MYO5C: variants seen among roughly 807,000 people sequenced by gnomAD.
MYO5C encodes myosin VC, also known as unconventional myosin-Vc.
A neutral mutation model predicts 235.7 loss-of-function variants in MYO5C; 194 were observed. The observed-to-expected ratio is 0.82, with a 90% CI of 0.73 to 0.93. The LOEUF is 0.93. Ranked by LOEUF, MYO5C falls within the 40% of genes least tolerant of loss-of-function variation. MYO5C has a pLI of 0.00. For synonymous variants in MYO5C, 707 were observed against 754.8 expected (o/e 0.94, Z 1.04); for missense variants, 2,038 against 2,127.2 (o/e 0.96, Z 0.82).
At chr15:52,258,574 T>C (rs2036627624) in intron 10 of MYO5C, among the ~76,000 whole-genome samples, 1 of 152,174 alleles carries the variant, frequency 6.6e-6, no homozygotes, top group Non-Finnish European at 1.5e-5. Flanking sequence ...GAGGCTTCCT[T>C]ATTTCCAAGT....
In MYO5C at chr15:52,218,355, C is replaced by T. The variant is rs77274727; in HGVS notation, c.3954+164G>A. Reference sequence around the variant, plus strand: ...GTAAGTCCCCAAGGCCTTCCCAAAGCCAACCTCAGAGACCACCTGTCTTTT... The same window carrying T: ...GTAAGTCCCCAAGGCCTTCCCAAAGTCAACCTCAGAGACCACCTGTCTTTT... On this transcript the variant is annotated intron_variant, in intron 32 of 40. Coordinates refer to ENST00000261839, the MANE Select transcript of MYO5C (RefSeq NM_018728.4). 2.9e-3 allele frequency among the ~76,000 whole-genome samples: 436 copies of T among 152,318 alleles called. 3 individuals are homozygous for T. Among genetic ancestry groups the T allele is most frequent in the African/African-American group, 9.9e-3 (412 of 41,574 alleles).
intron 1 of MYO5C, among the ~76,000 whole-genome samples, chr15:52,289,258 T>G (rs1596238723): frequency 6.6e-6 from 1 of 150,448 alleles, no homozygotes; most frequent in Non-Finnish European, 1.5e-5. Context: ...TTCTGGAGAG[T>G]TCCACCCAAT....
intron 18 of MYO5C, among the ~76,000 whole-genome samples, chr15:52,245,147 T>C (rs747611617): frequency 6.6e-6 from 1 of 151,984 alleles, no homozygotes; most frequent in Non-Finnish European, 1.5e-5. Context: ...GAGGCCGGAG[T>C]TCGGATGTGG....
chr15:52,264,531 A>C (rs1227589218), intron 8 of MYO5C, among the ~76,000 whole-genome samples: 1 of 152,158 alleles, frequency 6.6e-6, no homozygotes. Context: ...TAGGAAGTTC[A>C]ACACAAAAAT....
intron 7 of MYO5C, among the ~76,000 whole-genome samples, chr15:52,271,399 T>C (rs528808723): frequency 7.0e-4 from 107 of 152,224 alleles, no homozygotes; most frequent in African/African-American, 2.5e-3. Flanking sequence ...CGGTTAATTT[T>C]TGTATTTTTA....
chr15:52,282,607 A>C (rs977336513), intron 2 of MYO5C, among the ~76,000 whole-genome samples, 175 bp downstream of exon 2: 86 of 152,306 alleles, frequency 5.6e-4, no homozygotes, highest in African/African-American at 2.0e-3. Flanking sequence ...GGAGGGAAGG[A>C]GTACAGACAC....
At chr15:52,198,645 G>T (rs561937313) in intron 38 of MYO5C, among the ~76,000 whole-genome samples, 1 of 151,878 alleles carries the variant, frequency 6.6e-6, no homozygotes, top group Non-Finnish European at 1.5e-5. Flanking sequence ...GTAGTGGTGC[G>T]ATCTCAGCTC....
At chr15:52,196,622 T>G in intron 38 of MYO5C, 139 bp from the exon 39 acceptor site, 1 of 742,128 alleles carries the variant, frequency 1.3e-6, no homozygotes, top group African/African-American at 1.8e-5. Context: ...AATGAGGGAG[T>G]TGGACTGATG....
At position 52,245,394 on chromosome 15, in the gene MYO5C, T is replaced by C; in HGVS notation, c.2138A>G (p.Lys713Arg). 6.2e-7 allele frequency: 1 copy of C among 1,614,184 alleles called. No homozygotes were observed. The highest frequency in any genetic ancestry group is 8.5e-7 in the Non-Finnish European group (1 of 1,180,016). ...TAAAACCACCTTGCACACCTCCTTT[T>C]TATCGCTGAAGGAAAGCTCTTGCTT... ...MTKQELSFSD[K>R]KEVCKVVLHR... The change falls in exon 18 of 41, where the codon AAA becomes AGA. Residue 713 changes from lysine (K) to arginine (R), a missense_variant. By Grantham distance (26) the Lys-to-Arg change is conservative. Transcript: ENST00000261839.
chr15:52,262,749 A>G (rs2036723126), intron 9 of MYO5C, among the ~76,000 whole-genome samples: 1 of 152,256 alleles, frequency 6.6e-6, no homozygotes, highest in Non-Finnish European at 1.5e-5. Context: ...CGTTGGTAGC[A>G]GACAGCCAAG....
Position 52,263,161 on chromosome 15 carries a change from G to A in MYO5C, c.1047+1029C>T, listed in dbSNP as rs570391986. On this transcript the variant is annotated intron_variant, in intron 9 of 40. Transcript: ENST00000261839. ...TATTGTTTAAGCCACTCAGCCTGTG[G>A]CATTTTGATATGGCAGTCTGAGTTG... Among the ~76,000 whole-genome samples, 6 of 152,310 alleles carry A rather than the reference G, an allele frequency of 3.9e-5. No homozygotes were observed. In the South Asian group the frequency reaches 1.2e-3, roughly 32 times the overall value.
intron 35 of MYO5C, 130 bp downstream of exon 35, chr15:52,211,600 T>A: frequency 1.0e-6 from 1 of 977,188 alleles, no homozygotes; most frequent in East Asian, 2.4e-5. Context: ...CCTTCACTAG[T>A]TGGGCCTCAA....
chr15:52,247,837 CTAAG>C (rs2141329355), intron 14 of MYO5C, among the ~76,000 whole-genome samples: 1 of 152,270 alleles, frequency 6.6e-6, no homozygotes, highest in South Asian at 2.1e-4. Context: ...GGGTATCACT[CTAAG>C]TGTCAGAAAG....
rs768827369 is a variant in MYO5C at position 52,271,797 on chromosome 15, A to G, written c.798T>C (p.Ser266=). The change falls in exon 7 of 41, where the codon TCT becomes TCC. Residue 266 remains serine, a synonymous_variant. Coordinates refer to ENST00000261839, the MANE Select transcript of MYO5C (RefSeq NM_018728.4). ...NYHIFYQLCA[S]AQQSEFKHLK... ...GATGTTTAAATTCCGACTGCTGTGCAGATGCACAAAGCTGATAGAAAATGT... is the reference window on the plus strand; with the variant it reads ...GATGTTTAAATTCCGACTGCTGTGCGGATGCACAAAGCTGATAGAAAATGT... 42 of 1,584,056 alleles carry G rather than the reference A, an allele frequency of 2.7e-5. No homozygotes were observed. In the East Asian group the frequency reaches 9.5e-4, roughly 36 times the overall value.
chr15:52,244,651 C>G lies in MYO5C; in HGVS notation c.2179-84G>C, dbSNP rs1042153215. On this transcript the variant is annotated intron_variant, in intron 18 of 40. Coordinates refer to ENST00000261839, the MANE Select transcript of MYO5C (RefSeq NM_018728.4). Reference sequence around the variant, plus strand: ...TATTTGGAAAAGAGCTTTAGGGATTCAAAGGTGCCAGAAATATTGTGATTT... The same window carrying G: ...TATTTGGAAAAGAGCTTTAGGGATTGAAAGGTGCCAGAAATATTGTGATTT... 14 of 901,142 alleles carry G rather than the reference C, an allele frequency of 1.6e-5. No individual in the cohort carries two copies. The African/African-American group carries it at 2.4e-4, about 15-fold the overall frequency. The allele number at this position is 901,142 out of a possible 1,614,324, so 55.8% of individuals were successfully genotyped here.
At chr15:52,226,583 C>G (rs1357760661) in intron 25 of MYO5C, among the ~76,000 whole-genome samples, 3 of 152,142 alleles carry the variant, frequency 2.0e-5, no homozygotes, top group Admixed American at 6.5e-5. Flanking sequence ...AGCACTTTAC[C>G]TAGAAGACCT....
At chr15:52,274,717 A>G (rs963155533) in intron 5 of MYO5C, among the ~76,000 whole-genome samples, 1 of 143,694 alleles carries the variant, frequency 7.0e-6, no homozygotes, top group Non-Finnish European at 1.5e-5. Context: ...ATATTCTTAC[A>G]TTAGGTTAGA....
chr15:52,223,424 A>C (rs1168685720), intron 29 of MYO5C, 120 bp downstream of exon 29: 1 of 946,460 alleles, frequency 1.1e-6, no homozygotes, highest in Non-Finnish European at 1.6e-6. Context: ...AAGTTATTTC[A>C]CTTCTGGAAA....
intron 18 of MYO5C, 61 bp downstream of exon 18, chr15:52,245,293 C>T: frequency 9.2e-7 from 1 of 1,088,624 alleles, no homozygotes; most frequent in Admixed American, 1.7e-5. Flanking sequence ...GATGAAACAG[C>T]ATGTTTGGGA....
Sources: allele counts gnomAD v4.1 joint callset (sites outside exome capture counted in the v4.1 genomes callset), GRCh38; gene constraint gnomAD v4.1.1; transcripts MANE v1.5; gene names NCBI Gene and HGNC (gene_info 2026-07-23, HGNC 2026-07-21).